FARS2: variants seen among roughly 807,000 people sequenced by gnomAD.
FARS2 encodes the protein phenylalanine--tRNA ligase, mitochondrial.
Under a neutral mutation model 46.4 loss-of-function variants are expected in FARS2, and 40 were observed. The ratio of observed to expected loss-of-function variants is 0.86; its 90% CI spans 0.67 to 1.12. The LOEUF (loss-of-function observed/expected upper bound fraction) is 1.12. Ranked by LOEUF, FARS2 falls within the 50% of genes most tolerant of loss-of-function variation. The probability of loss-of-function intolerance (pLI) is 0.00; values close to 1 mark genes in which losing one functional copy is unlikely to be tolerated. For synonymous variants in FARS2, 234 were observed against 214.9 expected (o/e 1.09, Z -0.78); for missense variants, 513 against 567.9 (o/e 0.90, Z 0.98).
chr6:5,659,226 G>A (rs1777736523), intron 6 of FARS2, among the ~76,000 whole-genome samples: 1 of 152,156 alleles, frequency 6.6e-6, no homozygotes, highest in Non-Finnish European at 1.5e-5. Context: ...AAAGATCTTG[G>A]AGATCATCTG....
intron 5 of FARS2, among the ~76,000 whole-genome samples, chr6:5,561,432 A>C (rs1415371692): frequency 6.6e-6 from 1 of 152,080 alleles, no homozygotes; most frequent in Non-Finnish European, 1.5e-5. Context: ...CTTGAATGGC[A>C]GTTTAACAAG....
At chr6:5,579,307 C>G (rs899336623) in intron 5 of FARS2, among the ~76,000 whole-genome samples, 3 of 152,120 alleles carry the variant, frequency 2.0e-5, no homozygotes, top group African/African-American at 7.2e-5. Flanking sequence ...GTCTCCCAGG[C>G]TGGAGTGCAG....
At chr6:5,415,531 G>A (rs914014040) in intron 3 of FARS2, among the ~76,000 whole-genome samples, 15 of 151,560 alleles carry the variant, frequency 9.9e-5, no homozygotes, top group African/African-American at 3.4e-4. Context: ...TAGCTAGGCT[G>A]GCCTGGAACT....
At chr6:5,493,143 A>G (rs1290882793) in intron 4 of FARS2, among the ~76,000 whole-genome samples, 1 of 144,564 alleles carries the variant, frequency 6.9e-6, no homozygotes, top group African/African-American at 2.6e-5. Context: ...TGGAAGGTGG[A>G]GGTTGTAGTG....
chr6:5,482,022 T>C (rs1364389600), intron 4 of FARS2, among the ~76,000 whole-genome samples: 1 of 152,168 alleles, frequency 6.6e-6, no homozygotes, highest in Non-Finnish European at 1.5e-5. Context: ...CTGGGTCTCA[T>C]GAAACGGAGA....
intron 6 of FARS2, among the ~76,000 whole-genome samples, chr6:5,709,595 A>C (rs1179076884): frequency 6.6e-6 from 1 of 152,112 alleles, no homozygotes; most frequent in African/African-American, 2.4e-5. Context: ...TTTTAGAAGG[A>C]AAGTTTCTTA....
At chr6:5,324,128 A>T (rs1770182189) in intron 1 of FARS2, among the ~76,000 whole-genome samples, 1 of 152,148 alleles carries the variant, frequency 6.6e-6, no homozygotes, top group African/African-American at 2.4e-5. Context: ...ATCAGCCAGA[A>T]GCCCCTCTCA....
chr6:5,520,506 A>G, intron 4 of FARS2, among the ~76,000 whole-genome samples: 1 of 152,230 alleles, frequency 6.6e-6, no homozygotes, highest in East Asian at 1.9e-4. Flanking sequence ...CATTGCACAA[A>G]ATATAGAGAA....
intron 2 of FARS2, among the ~76,000 whole-genome samples, chr6:5,394,893 T>G (rs1384963526): frequency 1.3e-5 from 2 of 152,188 alleles, no homozygotes; most frequent in Non-Finnish European, 2.9e-5. Flanking sequence ...ACAGAAACCA[T>G]ATTCCATTGT....
chr6:5,319,930 TAGAAGGGA>T (rs1769846734), intron 1 of FARS2, among the ~76,000 whole-genome samples: 1 of 152,162 alleles, frequency 6.6e-6, no homozygotes, highest in Non-Finnish European at 1.5e-5. Context: ...GATTTATAAT[TAGAAGGGA>T]AGCAGAGTGT....
chr6:5,717,683 A>C (rs1463189133), intron 6 of FARS2, among the ~76,000 whole-genome samples: 1 of 152,002 alleles, frequency 6.6e-6, no homozygotes, highest in East Asian at 1.9e-4. Context: ...TGATCAATAG[A>C]TTCAGGTGTT....
intron 1 of FARS2, among the ~76,000 whole-genome samples, chr6:5,348,787 A>G (rs761929908): frequency 2.0e-5 from 3 of 152,104 alleles, no homozygotes; most frequent in African/African-American, 4.8e-5. Context: ...CAATACTCAT[A>G]CAAATAAAAA....
intron 4 of FARS2, among the ~76,000 whole-genome samples, chr6:5,499,427 C>A (rs1282493477): frequency 6.6e-6 from 1 of 152,106 alleles, no homozygotes; most frequent in Non-Finnish European, 1.5e-5. Context: ...TAGGGCAATG[C>A]AATGAAAAGG....
chr6:5,608,570 A>G lies in FARS2; in HGVS notation c.1066-4599A>G, dbSNP rs567560391. Among the ~76,000 whole-genome samples the G allele has an allele frequency of 4.6e-5, 7 of 152,244 alleles. No individual in the cohort carries two copies. The East Asian group carries it at 1.3e-3, about 29-fold the overall frequency. Reference sequence around the variant, plus strand: ...ACACATGATAATGAATGATACACAAACTTCATTTCCATCTATAATTTTATC... The same window carrying G: ...ACACATGATAATGAATGATACACAAGCTTCATTTCCATCTATAATTTTATC... On this transcript the variant is annotated intron_variant, in intron 5 of 6. Transcript: ENST00000274680.
At chr6:5,689,200 C>G (rs1478776390) in intron 6 of FARS2, among the ~76,000 whole-genome samples, 1 of 152,106 alleles carries the variant, frequency 6.6e-6, no homozygotes, top group Non-Finnish European at 1.5e-5. Context: ...TCTCTATTTC[C>G]TTGAGTTCTG....
chr6:5,545,244 C>G lies in FARS2; in HGVS notation c.969C>G (p.Leu323=), dbSNP rs1348907268. Residue 323 remains leucine (L), a synonymous_variant, in exon 5 of 7, where the codon CTC becomes CTG. Transcript: ENST00000274680. ...GLGLERLAMI[L]YDIPDIRLFW... is the part of the protein sequence containing the mutation. ...GATTAGAAAGGCTAGCCATGATCCT[C>G]TACGACATCCCTGATATCCGTCTCT... 1 of 1,614,072 alleles carries G rather than the reference C, an allele frequency of 6.2e-7. No homozygotes were observed. The highest frequency in any genetic ancestry group is 1.1e-5 in the South Asian group (1 of 91,074).
chr6:5,698,888 T>C (rs1329725480), intron 6 of FARS2, among the ~76,000 whole-genome samples: 1 of 152,094 alleles, frequency 6.6e-6, no homozygotes, highest in East Asian at 1.9e-4. Flanking sequence ...TGGGGGATCT[T>C]CTCTCTCGGT....
intron 6 of FARS2, among the ~76,000 whole-genome samples, chr6:5,634,445 G>A (rs1260989310): frequency 6.6e-6 from 1 of 152,130 alleles, no homozygotes; most frequent in Non-Finnish European, 1.5e-5. Context: ...TGGGACCACA[G>A]GTGTATACCA....
At chr6:5,454,467 C>G (rs548767067) in intron 4 of FARS2, among the ~76,000 whole-genome samples, 12 of 151,664 alleles carry the variant, frequency 7.9e-5, no homozygotes, top group African/African-American at 2.4e-4. Context: ...TCAGCCTCCC[C>G]CCGAGTAGCT....
Sources: allele counts gnomAD v4.1 joint callset (sites outside exome capture counted in the v4.1 genomes callset), GRCh38; gene constraint gnomAD v4.1.1; transcripts MANE v1.5; gene names NCBI Gene and HGNC (gene_info 2026-07-23, HGNC 2026-07-21).